The following PTPRN2 variants were observed in gnomAD, a reference collection of about 807,000 sequenced individuals.
PTPRN2 encodes receptor-type tyrosine-protein phosphatase N2.
PTPRN2 carries 74 observed loss-of-function variants against 118.8 expected under a neutral mutation model. That is an observed-to-expected ratio of 0.62 (90% CI 0.52 to 0.76). The LOEUF is 0.76. PTPRN2 is among the 30% of genes least tolerant of loss of function. PTPRN2 has a pLI of 0.00. For missense variants in PTPRN2, 1,481 were observed against 1,394.4 expected (o/e 1.06, Z -0.99); for synonymous variants, 641 against 608.0 (o/e 1.05, Z -0.80).
At chr7:158,501,772 GT>G in intron 1 of PTPRN2, among the ~76,000 whole-genome samples, 1 of 152,188 alleles carries the variant, frequency 6.6e-6, no homozygotes, top group East Asian at 1.9e-4. Context: ...ATTTTTTGAA[GT>G]TTTATTTATT....
intron 11 of PTPRN2, among the ~76,000 whole-genome samples, chr7:157,932,168 C>G (rs1213084637): frequency 1.3e-5 from 2 of 152,186 alleles, no homozygotes. Context: ...CTAAATACTT[C>G]AGTGCTTATT....
At position 157,785,327 on chromosome 7, in the gene PTPRN2, G is replaced by A. The variant is rs1195844437; in HGVS notation, c.1789-102390C>T. Reference sequence around the variant, plus strand: ...GTGACGGTGGATCCACAGCTGCCGCGGGTCCCCCCAACCCCAAAGCCACTG... The same window carrying A: ...GTGACGGTGGATCCACAGCTGCCGCAGGTCCCCCCAACCCCAAAGCCACTG... On this transcript the variant is annotated intron_variant, in intron 12 of 22. Coordinates refer to ENST00000389418, the MANE Select transcript of PTPRN2 (RefSeq NM_002847.5). The surrounding 1 kb of genome is among the most constrained non-coding windows in gnomAD (Gnocchi z 7.3). 6.6e-6 allele frequency among the ~76,000 whole-genome samples: 1 copy of A among 152,182 alleles called. No homozygotes were observed. The highest frequency in any genetic ancestry group is 1.5e-5 in the Non-Finnish European group (1 of 68,038).
rs142460523 is a variant in PTPRN2, at chr7:158,480,927, T to C, written c.163+8808A>G. Among the ~76,000 whole-genome samples, 723 of 152,366 alleles carry C rather than the reference T, an allele frequency of 4.7e-3. 6 individuals carry two copies. Among genetic ancestry groups the C allele is most frequent in the African/African-American group, 0.016 (680 of 41,596 alleles). On this transcript the variant is annotated intron_variant, in intron 2 of 22. Coordinates refer to ENST00000389418, the MANE Select transcript of PTPRN2 (RefSeq NM_002847.5). ...TAACAGTGTAAGGTGCAGCAGCAAGTGCTGATGGAGAAGCTGCAGCAAGCT... is the reference window on the plus strand; with the variant it reads ...TAACAGTGTAAGGTGCAGCAGCAAGCGCTGATGGAGAAGCTGCAGCAAGCT...
chr7:157,756,347 T>A (rs1801778700), intron 12 of PTPRN2, among the ~76,000 whole-genome samples: 1 of 151,564 alleles, frequency 6.6e-6, no homozygotes, highest in Non-Finnish European at 1.5e-5. Flanking sequence ...CAGGCTGGAG[T>A]GCAGTGGCGC....
chr7:158,092,521 C>T (rs1460977186), intron 10 of PTPRN2, among the ~76,000 whole-genome samples: 2 of 151,994 alleles, frequency 1.3e-5, no homozygotes, highest in East Asian at 3.9e-4. Flanking sequence ...TTAATTCAAA[C>T]ATAATTAGAC....
At chr7:157,749,280 G>A (rs1389666441) in intron 12 of PTPRN2, among the ~76,000 whole-genome samples, 1 of 136,964 alleles carries the variant, frequency 7.3e-6, no homozygotes, top group Non-Finnish European at 1.5e-5. Context: ...TGAACTGCCC[G>A]GGTGATTCTG....
chr7:158,006,619 C>A (rs4019383), intron 11 of PTPRN2, among the ~76,000 whole-genome samples: 124,514 of 152,126 alleles, frequency 0.82, 51,216 homozygotes, highest in East Asian at 0.88. Flanking sequence ...ACGGCAATGG[C>A]TTCCTTAAGG....
intron 12 of PTPRN2, among the ~76,000 whole-genome samples, chr7:157,823,315 A>G (rs1309741701): frequency 2.6e-5 from 4 of 152,262 alleles, no homozygotes; most frequent in Non-Finnish European, 5.9e-5. Context: ...ATTCTAATTA[A>G]TGTTTGCAAG....
intron 10 of PTPRN2, among the ~76,000 whole-genome samples, chr7:158,110,062 G>C (rs568698384): frequency 1.6e-4 from 24 of 152,062 alleles, no homozygotes; most frequent in African/African-American, 5.8e-4. Flanking sequence ...TGAACAACAC[G>C]TGTAGGCAGG....
chr7:158,146,802 C>A (rs578203829), intron 6 of PTPRN2, among the ~76,000 whole-genome samples: 1 of 151,816 alleles, frequency 6.6e-6, no homozygotes, highest in African/African-American at 2.4e-5. Context: ...ATTGTTCTCA[C>A]ACCAGCACAG....
intron 13 of PTPRN2, among the ~76,000 whole-genome samples, chr7:157,681,500 C>A (rs745485247): frequency 2.0e-5 from 3 of 152,220 alleles, no homozygotes; most frequent in African/African-American, 7.2e-5. Flanking sequence ...TCGTCCTGAC[C>A]GGGCTGGTGA....
At chr7:158,313,341 C>T (rs927272039) in intron 3 of PTPRN2, among the ~76,000 whole-genome samples, 1 of 152,208 alleles carries the variant, frequency 6.6e-6, no homozygotes, top group Non-Finnish European at 1.5e-5. Flanking sequence ...GTGTCAGAAC[C>T]AGCTGGGAAG....
chr7:158,138,816 C>G (rs1002204817), intron 6 of PTPRN2, among the ~76,000 whole-genome samples: 40 of 152,192 alleles, frequency 2.6e-4, no homozygotes, highest in African/African-American at 9.7e-4. Flanking sequence ...ACTGGAATGA[C>G]CAAGCCAGGA....
At chr7:158,543,276 C>T (rs1563416743) in intron 1 of PTPRN2, among the ~76,000 whole-genome samples, 1 of 152,184 alleles carries the variant, frequency 6.6e-6, no homozygotes, top group African/African-American at 2.4e-5. Flanking sequence ...CCCTCCCCAC[C>T]CCGAGGCTCT....
At chr7:157,547,474 G>A (rs1335352594) in intron 22 of PTPRN2, among the ~76,000 whole-genome samples, 1 of 152,146 alleles carries the variant, frequency 6.6e-6, no homozygotes, top group African/African-American at 2.4e-5. Flanking sequence ...TCAACCTCAC[G>A]TCCAGTTCCT....
chr7:158,070,263 ATGGAGGTGCTCATGG>A (rs1416727522), intron 11 of PTPRN2, among the ~76,000 whole-genome samples: 1 of 149,626 alleles, frequency 6.7e-6, no homozygotes, highest in East Asian at 2.0e-4. Flanking sequence ...GCTCATGGTG[ATGGAGGTGCTCATGG>A]TGGAGGTGCT....
chr7:157,612,373 G>A (rs751718559), intron 15 of PTPRN2, among the ~76,000 whole-genome samples: 32 of 152,216 alleles, frequency 2.1e-4, no homozygotes, highest in African/African-American at 7.0e-4. Flanking sequence ...GACGAATCTC[G>A]TCTGTGCGAG....
intron 2 of PTPRN2, among the ~76,000 whole-genome samples, chr7:158,386,902 G>A (rs1270111686): frequency 6.6e-6 from 1 of 152,164 alleles, no homozygotes; most frequent in Non-Finnish European, 1.5e-5. Flanking sequence ...GGAGATGAAT[G>A]GGAAGGTGCT....
At chr7:157,809,658 G>A (rs1299071750) in intron 12 of PTPRN2, among the ~76,000 whole-genome samples, 2 of 152,300 alleles carry the variant, frequency 1.3e-5, no homozygotes, top group South Asian at 4.1e-4. Context: ...ACGGAACGGA[G>A]TGAGGCGTCT....
Sources: gnomAD v4.1 joint callset for allele counts (sites outside exome capture counted in the v4.1 genomes callset) on GRCh38, gnomAD v4.1.1 for gene constraint, Gnocchi (gnomAD v3.1) non-coding constraint, MANE v1.5 for transcripts, NCBI Gene and HGNC (gene_info 2026-07-23, HGNC 2026-07-21) for gene names.